ADK: variants seen among roughly 807,000 people sequenced by gnomAD.
ADK encodes adenosine kinase, also known as N6,N6-dimethyladenosine kinase.
Under a neutral mutation model 44.7 loss-of-function variants are expected in ADK, and 24 were observed. The observed-to-expected ratio is 0.54, with a 90% confidence interval of 0.39 to 0.76. The LOEUF is 0.76. ADK is among the 30% of genes least tolerant of loss of function. The pLI is 0.00. For synonymous variants in ADK, 128 were observed against 142.6 expected (o/e 0.90, Z 0.73); for missense variants, 321 against 425.1 (o/e 0.76, Z 2.15).
chr10:74,520,284 C>G (rs1848755815), intron 6 of ADK, among the ~76,000 whole-genome samples: 1 of 151,784 alleles, frequency 6.6e-6, no homozygotes, highest in African/African-American at 2.4e-5. Flanking sequence ...CTATTATATT[C>G]TGATCAGAAT....
At chr10:74,407,189 C>T (rs1368525425) in intron 6 of ADK, among the ~76,000 whole-genome samples, 1 of 152,098 alleles carries the variant, frequency 6.6e-6, no homozygotes, top group African/African-American at 2.4e-5. Context: ...CTCCTGAACT[C>T]AACTTATCTG....
intron 10 of ADK, among the ~76,000 whole-genome samples, chr10:74,702,333 G>A (rs1345499365): frequency 1.3e-5 from 2 of 151,632 alleles, no homozygotes; most frequent in Non-Finnish European, 2.9e-5. Context: ...ACAGGCACCC[G>A]CCACCATGCC....
intron 9 of ADK, among the ~76,000 whole-genome samples, chr10:74,622,492 C>T (rs1048233923): frequency 6.6e-6 from 1 of 152,030 alleles, no homozygotes; most frequent in Non-Finnish European, 1.5e-5. Flanking sequence ...CAAGCTATGG[C>T]ATTAGAGCCT....
chr10:74,439,861 A>G (rs1415487194), intron 6 of ADK, among the ~76,000 whole-genome samples: 2 of 152,078 alleles, frequency 1.3e-5, no homozygotes, highest in African/African-American at 4.8e-5. Flanking sequence ...TAATTTTAAC[A>G]TATAGACTAA....
chr10:74,339,838 T>A (rs1841526831), intron 4 of ADK, among the ~76,000 whole-genome samples: 1 of 152,220 alleles, frequency 6.6e-6, no homozygotes, highest in African/African-American at 2.4e-5. Context: ...CTGTTCATTT[T>A]ATTCACCTGA....
intron 1 of ADK, among the ~76,000 whole-genome samples, chr10:74,154,191 C>A (rs1276065082): frequency 6.6e-6 from 1 of 152,018 alleles, no homozygotes; most frequent in East Asian, 1.9e-4. Flanking sequence ...TGTATGGGGT[C>A]CAGGCTTTGT....
chr10:74,467,428 A>G (rs1185255658), intron 6 of ADK, among the ~76,000 whole-genome samples: 3 of 152,158 alleles, frequency 2.0e-5, no homozygotes, highest in Admixed American at 6.5e-5. Flanking sequence ...TAGATTATTT[A>G]TATCTCCAGG....
intron 6 of ADK, among the ~76,000 whole-genome samples, chr10:74,485,500 A>AATAC (rs1847235543): frequency 6.8e-6 from 1 of 148,104 alleles, no homozygotes; most frequent in African/African-American, 2.5e-5. Flanking sequence ...TAAATAAATA[A>AATAC]ATAAATAATC....
At chr10:74,634,258 G>A (rs1853543082) in intron 9 of ADK, among the ~76,000 whole-genome samples, 1 of 151,888 alleles carries the variant, frequency 6.6e-6, no homozygotes, top group Admixed American at 6.5e-5. Context: ...AGGCTGGAGT[G>A]CAGTGGAGTG....
At chr10:74,164,439 G>A (rs1481198467) in intron 1 of ADK, among the ~76,000 whole-genome samples, 1 of 152,162 alleles carries the variant, frequency 6.6e-6, no homozygotes. Flanking sequence ...GGGAGGCTGA[G>A]GCAGGATAAT....
Position 74,478,742 on chromosome 10 carries a change from A to G in ADK, c.556-46514A>G, listed in dbSNP as rs1248197879. ...TCTGTTGAATTCCAAATAGCTTGTTAGTGTTTAATACTTAGCATATAGCTA... is the reference window on the plus strand; with the variant it reads ...TCTGTTGAATTCCAAATAGCTTGTTGGTGTTTAATACTTAGCATATAGCTA... On this transcript the variant is annotated intron_variant, in intron 6 of 10. Coordinates refer to ENST00000539909, the MANE Select transcript of ADK (RefSeq NM_006721.4). Among the ~76,000 whole-genome samples, 3 of 152,236 alleles carry G rather than the reference A, an allele frequency of 2.0e-5. No homozygotes were observed. The South Asian group carries it at 6.2e-4, about 31-fold the overall frequency.
chr10:74,219,447 T>G (rs1347798231), intron 2 of ADK, among the ~76,000 whole-genome samples: 3 of 152,090 alleles, frequency 2.0e-5, no homozygotes, highest in African/African-American at 7.2e-5. Flanking sequence ...ACTATCAACA[T>G]TAGACAGATC....
intron 3 of ADK, among the ~76,000 whole-genome samples, chr10:74,228,865 C>T (rs1844645534): frequency 6.6e-6 from 1 of 152,062 alleles, no homozygotes; most frequent in African/African-American, 2.4e-5. Context: ...TACTACTTAA[C>T]ACAGAGTAAC....
At chr10:74,364,944 A>G (rs1842454122) in intron 4 of ADK, among the ~76,000 whole-genome samples, 2 of 151,680 alleles carry the variant, frequency 1.3e-5, no homozygotes. Flanking sequence ...TTACAGGACA[A>G]TTTTCCTCTG....
intron 6 of ADK, among the ~76,000 whole-genome samples, chr10:74,459,730 AAAAAAAAAAAAAG>A (rs1247545665): frequency 6.9e-6 from 1 of 144,254 alleles, no homozygotes; most frequent in African/African-American, 2.5e-5. Context: ...TCCATCTCAA[AAAAAAAAAAAAAG>A]AAAAAAAAGA....
chr10:74,599,421 T>G (rs1323748842), intron 8 of ADK, among the ~76,000 whole-genome samples: 1 of 152,206 alleles, frequency 6.6e-6, no homozygotes, highest in Admixed American at 6.5e-5. Flanking sequence ...CTCTCATATA[T>G]TCTATTTGTT....
chr10:74,604,151 C>A (rs1852236485), intron 9 of ADK, among the ~76,000 whole-genome samples: 1 of 152,120 alleles, frequency 6.6e-6, no homozygotes, highest in South Asian at 2.1e-4. Flanking sequence ...TGGATATTAG[C>A]CCTTTGTCAG....
At chr10:74,279,902 C>T (rs1451159670) in intron 3 of ADK, among the ~76,000 whole-genome samples, 1 of 152,066 alleles carries the variant, frequency 6.6e-6, no homozygotes, top group East Asian at 1.9e-4. Flanking sequence ...GTATTATGTA[C>T]TTGTAGTCCC....
chr10:74,175,415 T>C (rs1171964911), intron 1 of ADK, among the ~76,000 whole-genome samples: 1 of 150,344 alleles, frequency 6.7e-6, no homozygotes, highest in Non-Finnish European at 1.5e-5. Context: ...ACTAAAACAA[T>C]ACAATTGTGT....
Sources: allele counts gnomAD v4.1 joint callset (sites outside exome capture counted in the v4.1 genomes callset), GRCh38; gene constraint gnomAD v4.1.1; transcripts MANE v1.5; gene names NCBI Gene and HGNC (gene_info 2026-07-23, HGNC 2026-07-21).